Variants in FHIP2A observed in about 807,000 individuals in gnomAD.
FHIP2A encodes the protein family with sequence similarity 160 member B1.
A neutral mutation model predicts 93.5 loss-of-function variants in FHIP2A; 46 were observed. That is an observed-to-expected ratio of 0.49 (90% confidence interval 0.39 to 0.63). The LOEUF (loss-of-function observed/expected upper bound fraction) is 0.63. Among genes scored for constraint, FHIP2A ranks in the 20% least tolerant of loss-of-function variants. The pLI, the probability that FHIP2A is intolerant of heterozygous loss-of-function variation, is 0.00. For missense variants in FHIP2A, 769 were observed against 909.7 expected (o/e 0.85, Z 1.99); for synonymous variants, 332 against 326.5 (o/e 1.02, Z -0.18).
At chr10:114,872,978 G>T (rs924424873) in intron 16 of FHIP2A, among the ~76,000 whole-genome samples, 1 of 152,208 alleles carries the variant, frequency 6.6e-6, no homozygotes, top group Non-Finnish European at 1.5e-5. Context: ...TTGGGTGTTG[G>T]GGGGTGGAAT....
intron 14 of FHIP2A, among the ~76,000 whole-genome samples, chr10:114,860,532 A>AG (rs1419559670): frequency 2.6e-5 from 4 of 151,868 alleles, no homozygotes; most frequent in African/African-American, 9.7e-5. Context: ...TTGTATTTTG[A>AG]GTAGAGACGG....
rs369285505 is a variant in FHIP2A, at chr10:114,862,751, A to G, written c.*1211A>G. 2 of 985,514 alleles carry G rather than the reference A, an allele frequency of 2.0e-6. No individual in the cohort carries two copies. Among genetic ancestry groups the G allele is most frequent in the Non-Finnish European group, 1.2e-6 (1 of 829,982 alleles). The allele number at this position is 985,514 out of a possible 1,614,324, so 61.0% of individuals were successfully genotyped here. Reference sequence around the variant, plus strand: ...TCCTTTAAGTGATGCTGATCACTCAAATAATGCTTTTAAGCTATTGTTTGT... The same window carrying G: ...TCCTTTAAGTGATGCTGATCACTCAGATAATGCTTTTAAGCTATTGTTTGT... On this transcript the variant is annotated 3_prime_UTR_variant, in exon 17 of 17. Transcript: ENST00000369248.
At position 114,836,129 on chromosome 10, in the gene FHIP2A, A is replaced by G; in HGVS notation, c.405A>G (p.Leu135=). 4 of 1,569,958 alleles carry G rather than the reference A, an allele frequency of 2.5e-6. No individual in the cohort carries two copies. In the South Asian group the frequency reaches 3.6e-5, roughly 14 times the overall value. The change falls in exon 5 of 17, where the codon TTA becomes TTG. Residue 135 remains leucine, a synonymous_variant. Transcript: ENST00000369248. ...HINVHRPVQK[L]IRLCGEVLAT... ...AAAAACAATTGTTTTCACAGAAATT[A>G]ATTAGACTCTGTGGTGAAGTCCTAG...
chr10:114,842,863 C>T (rs1264896260), intron 5 of FHIP2A, 70 bp from the exon 6 acceptor site: 7 of 1,032,064 alleles, frequency 6.8e-6, no homozygotes, highest in Non-Finnish European at 9.8e-6. Flanking sequence ...ATAGAAAAAT[C>T]CATTAAAATA....
intron 13 of FHIP2A, among the ~76,000 whole-genome samples, chr10:114,853,289 A>G (rs2083747323): frequency 1.3e-5 from 2 of 152,150 alleles, no homozygotes; most frequent in African/African-American, 4.8e-5. Flanking sequence ...TAAAATTTAC[A>G]TAGTCTAAAT....
intron 16 of FHIP2A, among the ~76,000 whole-genome samples, chr10:114,870,961 ATTG>A (rs1236370504): frequency 1.3e-5 from 2 of 152,056 alleles, no homozygotes; most frequent in East Asian, 3.9e-4. Context: ...CTTTGACGTT[ATTG>A]TTCCTATCTG....
Position 114,848,689 on chromosome 10 carries a change from T to C in FHIP2A, c.1755T>C (p.His585=), listed in dbSNP as rs1667688908. ...LVPDDAKSSY[H]VEGTGYDTYL... ...CGGATGACGCAAAATCCTCCTACCA[T>C]GTTGAGGGCACAGGATATGACACTT... The change falls in exon 13 of 17, where the codon CAT becomes CAC. Residue 585 remains histidine, a synonymous_variant. Coordinates refer to ENST00000369248, the MANE Select transcript of FHIP2A (RefSeq NM_020940.4). 1.2e-6 allele frequency: 2 copies of C among 1,609,782 alleles called. No individual in the cohort carries two copies. Among genetic ancestry groups the C allele is most frequent in the Non-Finnish European group, 1.7e-6 (2 of 1,177,706 alleles).
At chr10:114,856,916 G>A (rs1294422259) in intron 14 of FHIP2A, among the ~76,000 whole-genome samples, 1 of 152,070 alleles carries the variant, frequency 6.6e-6, no homozygotes, top group African/African-American at 2.4e-5. Flanking sequence ...GGTAAGCTAT[G>A]GAGCCCCGTC....
intron 1 of FHIP2A, among the ~76,000 whole-genome samples, chr10:114,823,790 AC>A (rs1275170355): frequency 6.6e-6 from 1 of 151,546 alleles, no homozygotes; most frequent in African/African-American, 2.4e-5. Flanking sequence ...GAGCCACCAC[AC>A]CCGGCCCGAA....
chr10:114,866,318 A>G (rs2083829049), downstream of FHIP2A, among the ~76,000 whole-genome samples: 1 of 152,196 alleles, frequency 6.6e-6, no homozygotes, highest in African/African-American at 2.4e-5. Context: ...ATGACTGCAT[A>G]GTATTCCACG....
intron 4 of FHIP2A, among the ~76,000 whole-genome samples, 179 bp downstream of exon 4, chr10:114,835,820 TAC>T (rs1470031950): frequency 6.6e-6 from 1 of 152,226 alleles, no homozygotes; most frequent in East Asian, 1.9e-4. Context: ...ACAGTGTACT[TAC>T]AGTCTTTCTG....
intron 1 of FHIP2A, among the ~76,000 whole-genome samples, chr10:114,823,486 ATTT>A (rs534823915): frequency 2.2e-3 from 178 of 79,536 alleles, no homozygotes; most frequent in African/African-American, 5.6e-3. Context: ...ATTTAATTTT[ATTT>A]ATTTATTTAT....
intron 5 of FHIP2A, among the ~76,000 whole-genome samples, chr10:114,838,382 C>T (rs1037125687): frequency 3.3e-5 from 5 of 152,034 alleles, no homozygotes; most frequent in African/African-American, 9.7e-5. Context: ...ACTCATCATG[C>T]GCATCGTGTG....
At chr10:114,865,967 G>C (rs1008176012), downstream of FHIP2A, among the ~76,000 whole-genome samples, 1 of 151,774 alleles carries the variant, frequency 6.6e-6, no homozygotes, top group Non-Finnish European at 1.5e-5. Flanking sequence ...CTGTTTGTTT[G>C]TTTTTTTTAA....
At chr10:114,874,916 G>A (rs1158228280) in intron 16 of FHIP2A, among the ~76,000 whole-genome samples, 2 of 152,178 alleles carry the variant, frequency 1.3e-5, no homozygotes, top group African/African-American at 2.4e-5. Context: ...TGACAGAAGC[G>A]GTTAGCTTAA....
chr10:114,891,720 G>A (rs938549099), intron 16 of FHIP2A, among the ~76,000 whole-genome samples: 15 of 151,844 alleles, frequency 9.9e-5, no homozygotes, highest in African/African-American at 2.2e-4. Context: ...GGGTTCAAGC[G>A]ATTCTCCTGC....
At chr10:114,824,902 T>C (rs1273317388) in intron 1 of FHIP2A, among the ~76,000 whole-genome samples, 2 of 152,238 alleles carry the variant, frequency 1.3e-5, no homozygotes, top group East Asian at 3.8e-4. Context: ...ATGAGCTTTT[T>C]TCATTATTTT....
intron 16 of FHIP2A, among the ~76,000 whole-genome samples, chr10:114,884,264 T>C (rs2083930978): frequency 6.6e-6 from 1 of 152,182 alleles, no homozygotes; most frequent in Non-Finnish European, 1.5e-5. Flanking sequence ...GAGAAAGATC[T>C]CTGAACAAAA....
chr10:114,862,117 TTAAGAA>T lies in FHIP2A; in HGVS notation c.*581_*586del. The T allele has an allele frequency of 2.1e-6, 2 of 931,262 alleles. No individual in the cohort carries two copies. Among genetic ancestry groups the T allele is most frequent in the Non-Finnish European group, 2.6e-6 (2 of 780,468 alleles). The allele number at this position is 931,262 out of a possible 1,614,324, so 57.7% of individuals were successfully genotyped here. ...GCACCATTAACTTTCTTCAGCTTTTTTAAGAATAACAATTTAATATGATAAATTCTT... is the reference window on the plus strand; with the variant it reads ...GCACCATTAACTTTCTTCAGCTTTTTTAACAATTTAATATGATAAATTCTT... On this transcript the variant is annotated 3_prime_UTR_variant, in exon 17 of 17. Coordinates refer to ENST00000369248, the MANE Select transcript of FHIP2A (RefSeq NM_020940.4).
Sources: allele counts gnomAD v4.1 joint callset (sites outside exome capture counted in the v4.1 genomes callset), GRCh38; gene constraint gnomAD v4.1.1; transcripts MANE v1.5; gene names NCBI Gene and HGNC (gene_info 2026-07-23, HGNC 2026-07-21).